WIF1: variants seen among roughly 807,000 people sequenced by gnomAD.
The protein encoded by WIF1 is Wnt inhibitory factor 1.
In WIF1, 35 loss-of-function variants were observed where a neutral mutation model predicts 53.5. That is an observed-to-expected ratio of 0.65 (90% CI 0.50 to 0.87). WIF1 has a LOEUF of 0.87. WIF1 is among the 40% of genes least tolerant of loss of function. The probability of loss-of-function intolerance (pLI) is 0.00; values close to 1 mark genes in which losing one functional copy is unlikely to be tolerated. For missense variants in WIF1, 467 were observed against 476.8 expected (o/e 0.98, Z 0.19); for synonymous variants, 171 against 170.4 (o/e 1.00, Z -0.03).
intron 2 of WIF1, among the ~76,000 whole-genome samples, chr12:65,084,409 C>A (rs1056559832): frequency 2.9e-4 from 44 of 152,140 alleles, no homozygotes; most frequent in African/African-American, 1.1e-3. Flanking sequence ...CTCACTACTC[C>A]CCAACAGGCA....
intron 2 of WIF1, among the ~76,000 whole-genome samples, chr12:65,087,847 C>T (rs572436396): frequency 6.9e-4 from 105 of 152,038 alleles, no homozygotes; most frequent in Non-Finnish European, 1.4e-3. Context: ...AGTCTGTAAC[C>T]TCTTGGTTAC....
Position 65,120,451 on chromosome 12 carries a change from T to A in WIF1, c.254A>T (p.His85Leu). 6.2e-7 allele frequency: 1 copy of A among 1,613,514 alleles called. No homozygotes were observed. Among genetic ancestry groups the A allele is most frequent in the South Asian group, 1.1e-5 (1 of 90,786 alleles). ...AGCTTGCCAGGTAAAATTCATGGAA[T>A]GGATATTGACAGGAATAGCTGGCAT... ...QRMPAIPVNI[H>L]SMNFTWQAAG... is the part of the protein sequence containing the mutation. Residue 85 changes from histidine to leucine, a missense_variant, in exon 2 of 10, where the codon CAT (histidine) becomes CTT (leucine). Physicochemically the swap from His to Leu is moderately conservative, Grantham distance 99 (BLOSUM62 -3). Coordinates refer to ENST00000286574, the MANE Select transcript of WIF1 (RefSeq NM_007191.5).
intron 3 of WIF1, among the ~76,000 whole-genome samples, chr12:65,072,175 C>G (rs1882794316): frequency 1.3e-5 from 2 of 152,120 alleles, no homozygotes; most frequent in Non-Finnish European, 1.5e-5. Flanking sequence ...CAACTCTGTG[C>G]TCTGCGCAAA....
chr12:65,109,897 C>T (rs1226829811), intron 2 of WIF1, among the ~76,000 whole-genome samples: 7 of 152,146 alleles, frequency 4.6e-5, no homozygotes, highest in Non-Finnish European at 1.0e-4. Flanking sequence ...TACCATGTAA[C>T]TAATGACAGT....
chr12:65,114,926 C>G (rs1883486446), intron 2 of WIF1, among the ~76,000 whole-genome samples: 1 of 152,124 alleles, frequency 6.6e-6, no homozygotes, highest in African/African-American at 2.4e-5. Flanking sequence ...GAATTCTGCA[C>G]ACTATACATG....
Position 65,051,403 on chromosome 12 carries a change from T to G in WIF1, c.1086A>C (p.Ser362=), listed in dbSNP as rs771337991. ...CCCGCCGCTCCTCGGCCTTTTTAAG[T>G]GAAGGCGTGTGCTGCCTGAGCTGGG... ...AGAQLRQHTP[S]LKKAEERRDP... is the part of the protein sequence containing the mutation. The change falls in exon 10 of 10, where the codon TCA becomes TCC. Residue 362 remains serine, a synonymous_variant. Transcript: ENST00000286574. 6.2e-7 allele frequency: 1 copy of G among 1,613,942 alleles called. No homozygotes were observed. Among genetic ancestry groups the G allele is most frequent in the Non-Finnish European group, 8.5e-7 (1 of 1,179,942 alleles).
intron 2 of WIF1, among the ~76,000 whole-genome samples, chr12:65,091,424 C>T (rs1883121713): frequency 6.6e-6 from 1 of 150,438 alleles, no homozygotes; most frequent in South Asian, 2.1e-4. Flanking sequence ...TTATACAAGG[C>T]AAAACAACAG....
At chr12:65,078,887 A>C (rs1882904011) in intron 2 of WIF1, among the ~76,000 whole-genome samples, 1 of 152,182 alleles carries the variant, frequency 6.6e-6, no homozygotes, top group African/African-American at 2.4e-5. Context: ...TGTGAAGGCC[A>C]GGCACGGTGG....
intron 3 of WIF1, among the ~76,000 whole-genome samples, chr12:65,071,724 C>T (rs1215558612): frequency 1.3e-5 from 2 of 152,150 alleles, no homozygotes; most frequent in Admixed American, 6.5e-5. Flanking sequence ...ACATTTCTAC[C>T]TCTTTGGAAA....
At chr12:65,105,692 C>A (rs529269768) in intron 2 of WIF1, among the ~76,000 whole-genome samples, 1 of 152,064 alleles carries the variant, frequency 6.6e-6, no homozygotes, top group Non-Finnish European at 1.5e-5. Flanking sequence ...TCCAGTCTCA[C>A]GAGAGAAAGC....
intron 3 of WIF1, among the ~76,000 whole-genome samples, chr12:65,074,837 AAG>A (rs1555186489): frequency 0.012 from 1,570 of 133,426 alleles, 13 homozygotes; most frequent in African/African-American, 0.019. Flanking sequence ...AAAAAAAAAA[AAG>A]AAAAGAAAAA....
At chr12:65,089,119 A>G (rs983003602) in intron 2 of WIF1, among the ~76,000 whole-genome samples, 2 of 152,138 alleles carry the variant, frequency 1.3e-5, no homozygotes, top group Non-Finnish European at 2.9e-5. Context: ...CTCTAGATTC[A>G]TATTGACAAC....
chr12:65,112,605 A>G (rs547998910), intron 2 of WIF1, among the ~76,000 whole-genome samples: 45 of 152,282 alleles, frequency 3.0e-4, no homozygotes, highest in South Asian at 2.3e-3. Context: ...CACTCTCTCC[A>G]TAGCCAAGAA....
intron 2 of WIF1, among the ~76,000 whole-genome samples, chr12:65,097,482 G>C (rs895448467): frequency 9.2e-5 from 14 of 152,146 alleles, no homozygotes; most frequent in African/African-American, 3.1e-4. Flanking sequence ...ACGTCAGCCT[G>C]GTGGACACAC....
chr12:65,092,746 C>T (rs537378918), intron 2 of WIF1, among the ~76,000 whole-genome samples: 15 of 151,998 alleles, frequency 9.9e-5, no homozygotes, highest in African/African-American at 3.6e-4. Context: ...GGATGGGTAC[C>T]ATGGTTATGA....
intron 2 of WIF1, among the ~76,000 whole-genome samples, chr12:65,103,634 G>C (rs1365848091): frequency 6.6e-6 from 1 of 152,138 alleles, no homozygotes; most frequent in Non-Finnish European, 1.5e-5. Flanking sequence ...ATATATATAG[G>C]ACTCTACAAA....
chr12:65,092,232 C>T (rs1883132947), intron 2 of WIF1, among the ~76,000 whole-genome samples: 2 of 150,420 alleles, frequency 1.3e-5, no homozygotes, highest in Admixed American at 6.7e-5. Context: ...GGGAGTTGAA[C>T]AGCAAGAACA....
intron 9 of WIF1, among the ~76,000 whole-genome samples, chr12:65,053,544 TA>T (rs1359733187): frequency 1.3e-5 from 2 of 152,136 alleles, no homozygotes; most frequent in East Asian, 3.9e-4. Context: ...ATGAAGAAGG[TA>T]CCTGCCTCCC....
intron 1 of WIF1, 45 bp downstream of exon 1, chr12:65,120,999 G>A (rs1592408485): frequency 7.1e-7 from 1 of 1,410,192 alleles, no homozygotes; most frequent in East Asian, 2.8e-5. Context: ...AGAGTGGAGA[G>A]AGGAGGACAT....
Sources: gnomAD v4.1 joint callset for allele counts (sites outside exome capture counted in the v4.1 genomes callset) on GRCh38, gnomAD v4.1.1 for gene constraint, MANE v1.5 for transcripts, NCBI Gene and HGNC (gene_info 2026-07-23, HGNC 2026-07-21) for gene names.